Variants in EYS observed in about 807,000 individuals in gnomAD.
The protein encoded by EYS is EGF-like photoreceptor maintenance factor.
In EYS, 250 loss-of-function variants were observed where a neutral mutation model predicts 282.1. The ratio of observed to expected loss-of-function variants is 0.89; its 90% confidence interval spans 0.80 to 0.98. EYS has a LOEUF of 0.98. EYS is among the 50% of genes least tolerant of loss of function. The pLI is 0.00. For missense variants in EYS, 4,016 were observed against 3,709.0 expected, an observed-to-expected ratio of 1.08 and a Z score of -2.15; for synonymous variants, 1,355 against 1,282.9, an observed-to-expected ratio of 1.06 and a Z score of -1.20.
At chr6:65,681,343 G>T (rs2149838530) in intron 1 of EYS, among the ~76,000 whole-genome samples, 1 of 152,044 alleles carries the variant, frequency 6.6e-6, no homozygotes, top group South Asian at 2.1e-4. Context: ...GAGATTCTAA[G>T]GATTTTAGGA....
intron 35 of EYS, among the ~76,000 whole-genome samples, chr6:63,972,806 T>A (rs1272110980): frequency 6.6e-6 from 1 of 152,166 alleles, no homozygotes; most frequent in Non-Finnish European, 1.5e-5. Flanking sequence ...TTTTCTGTTC[T>A]GTGTTAGTTT....
At chr6:65,194,853 G>GTTT (rs34946669) in intron 12 of EYS, among the ~76,000 whole-genome samples, 1 of 142,758 alleles carries the variant, frequency 7.0e-6, no homozygotes. Context: ...TTTGCCAGTT[G>GTTT]TTTTTTTTTT....
At chr6:64,188,776 C>A (rs1002266019) in intron 31 of EYS, among the ~76,000 whole-genome samples, 1 of 152,066 alleles carries the variant, frequency 6.6e-6, no homozygotes, top group African/African-American at 2.4e-5. Context: ...AATAAATGAA[C>A]GTGTATGCGT....
At chr6:65,017,462 C>T (rs904878537) in intron 13 of EYS, among the ~76,000 whole-genome samples, 3 of 152,030 alleles carry the variant, frequency 2.0e-5, no homozygotes, top group African/African-American at 7.2e-5. Flanking sequence ...TTCTTGACCT[C>T]ATTAAATAGC....
chr6:64,389,338 C>T (rs1486691945), intron 28 of EYS, among the ~76,000 whole-genome samples: 1 of 151,626 alleles, frequency 6.6e-6, no homozygotes, highest in Non-Finnish European at 1.5e-5. Context: ...TCAAATATAA[C>T]TTAATTAGGG....
intron 5 of EYS, among the ~76,000 whole-genome samples, chr6:65,448,719 T>C (rs1453980892): frequency 6.6e-6 from 1 of 152,068 alleles, no homozygotes. Context: ...TTGACTTCTT[T>C]GAAATAATTT....
In EYS at chr6:64,590,377, C is replaced by T. The variant is rs2149831036; in HGVS notation, c.5490G>A (p.Glu1830=). The stretch of plus-strand genomic sequence containing the variant: ...TGGACCATTCTGAAGAAGTCTTGAC[C>T]TCTTTTTTAAGAGAGGTCATATAAT... ...FTDYMTSLKK[E]VKTSSEWSKW... The change falls in exon 26 of 43, where the codon GAG becomes GAA. Residue 1830 remains glutamate (E), a synonymous_variant. Coordinates refer to ENST00000503581, the MANE Select transcript of EYS (RefSeq NM_001142800.2). 6.4e-7 allele frequency: 1 copy of T among 1,551,266 alleles called. No individual in the cohort carries two copies. Among genetic ancestry groups the T allele is most frequent in the Non-Finnish European group, 8.7e-7 (1 of 1,146,730 alleles).
chr6:64,297,977 C>CAAAAAAAAAAAAAAAAAAAAAAAAAAAA (rs34562408), intron 30 of EYS, among the ~76,000 whole-genome samples: 4 of 96,452 alleles, frequency 4.1e-5, no homozygotes, highest in African/African-American at 1.5e-4. Context: ...GATTCTGTCT[C>CAAAAAAAAAAAAAAAAAAAAAAAAAAAA]AAAAAAAAAA....
At chr6:64,765,238 T>G (rs1346668115) in intron 22 of EYS, among the ~76,000 whole-genome samples, 1 of 152,198 alleles carries the variant, frequency 6.6e-6, no homozygotes, top group Non-Finnish European at 1.5e-5. Context: ...GTCTCTTTGC[T>G]AAAGCATAGC....
chr6:64,122,403 A>T (rs1773620244), intron 31 of EYS, among the ~76,000 whole-genome samples: 1 of 152,156 alleles, frequency 6.6e-6, no homozygotes, highest in Admixed American at 6.5e-5. Context: ...TTCTAAGGAA[A>T]TATACCCATA....
At chr6:63,967,285 T>G (rs921902876) in intron 35 of EYS, among the ~76,000 whole-genome samples, 9 of 152,232 alleles carry the variant, frequency 5.9e-5, no homozygotes, top group Non-Finnish European at 1.0e-4. Context: ...ACTTATTAAT[T>G]GTTTATTTTT....
chr6:63,737,649 T>C (rs1213382351), intron 41 of EYS, among the ~76,000 whole-genome samples: 2 of 152,168 alleles, frequency 1.3e-5, no homozygotes, highest in African/African-American at 4.8e-5. Flanking sequence ...ATTGGAATAG[T>C]TTCAGAAGGA....
intron 2 of EYS, among the ~76,000 whole-genome samples, chr6:65,637,185 TTTTG>T (rs750941941): frequency 6.6e-6 from 1 of 152,182 alleles, no homozygotes; most frequent in Non-Finnish European, 1.5e-5. Flanking sequence ...AAGGCAGAAA[TTTTG>T]TTTGTTTTAT....
intron 14 of EYS, among the ~76,000 whole-genome samples, chr6:64,968,809 A>G (rs918017557): frequency 6.8e-6 from 1 of 146,906 alleles, no homozygotes; most frequent in Non-Finnish European, 1.5e-5. Flanking sequence ...TTGAAAACTC[A>G]TAGCTGAGTC....
At chr6:64,509,861 G>A (rs1777329064) in intron 26 of EYS, among the ~76,000 whole-genome samples, 1 of 152,068 alleles carries the variant, frequency 6.6e-6, no homozygotes, top group Non-Finnish European at 1.5e-5. Context: ...GAGCAATATA[G>A]GCAAGAACTA....
intron 29 of EYS, among the ~76,000 whole-genome samples, chr6:64,330,776 C>T (rs1489833918): frequency 6.6e-6 from 1 of 152,140 alleles, no homozygotes. Flanking sequence ...TGCTTTCTAA[C>T]CCTAGGATGT....
rs533016244 is a variant in EYS at position 63,812,209 on chromosome 6, A to T, written c.7229-5837T>A. Among the ~76,000 whole-genome samples the T allele has an allele frequency of 2.6e-5, 4 of 152,318 alleles. No homozygotes were observed. In the South Asian group the frequency reaches 8.3e-4, roughly 32 times the overall value. ...CGTTTCTTCTTTCTCATTCTGCTGC[A>T]GCCATGCTAACTTCTTCGTGTTTCT... On this transcript the variant is annotated intron_variant, in intron 36 of 42. Transcript: ENST00000503581.
At chr6:65,404,385 A>G (rs1222570500) in intron 6 of EYS, among the ~76,000 whole-genome samples, 1 of 152,082 alleles carries the variant, frequency 6.6e-6, no homozygotes, top group Non-Finnish European at 1.5e-5. Context: ...GGATTAGTGC[A>G]TGGACATTTT....
intron 30 of EYS, among the ~76,000 whole-genome samples, chr6:64,244,533 T>C (rs940881603): frequency 6.6e-6 from 1 of 152,168 alleles, no homozygotes; most frequent in African/African-American, 2.4e-5. Context: ...AGGGGGCTTT[T>C]CTATTTAGAG....
Sources: allele counts gnomAD v4.1 joint callset (sites outside exome capture counted in the v4.1 genomes callset), GRCh38; gene constraint gnomAD v4.1.1; transcripts MANE v1.5; gene names NCBI Gene and HGNC (gene_info 2026-07-23, HGNC 2026-07-21).